AIG1: variants seen among roughly 807,000 people sequenced by gnomAD.
AIG1 encodes androgen-induced gene 1 protein.
AIG1 carries 23 observed loss-of-function variants against 31.4 expected under a neutral mutation model. The ratio of observed to expected loss-of-function variants is 0.73; its 90% CI spans 0.53 to 1.04. The LOEUF (loss-of-function observed/expected upper bound fraction) is 1.04. Among genes scored for constraint, AIG1 ranks in the 50% least tolerant of loss-of-function variants. The probability of loss-of-function intolerance (pLI) is 0.00; values close to 1 mark genes in which losing one functional copy is unlikely to be tolerated. For missense variants in AIG1, 274 were observed against 295.0 expected (o/e 0.93, Z 0.52); for synonymous variants, 100 against 110.5 (o/e 0.90, Z 0.60).
chr6:143,149,532 C>CAAAAA (rs71767812), intron 2 of AIG1, among the ~76,000 whole-genome samples: 47 of 39,888 alleles, frequency 1.2e-3, no homozygotes, highest in Middle Eastern at 0.011. Context: ...GACTCTGTCT[C>CAAAAA]AAAAAAAAAA....
chr6:143,097,125 C>A (rs1198541056), intron 1 of AIG1, among the ~76,000 whole-genome samples: 2 of 151,568 alleles, frequency 1.3e-5, no homozygotes, highest in African/African-American at 4.8e-5. Context: ...CCTGTAACAG[C>A]AGACTTAAAT....
chr6:143,323,699 T>C lies in AIG1; in HGVS notation c.516-9583T>C, dbSNP rs117307095. On this transcript the variant is annotated intron_variant, in intron 4 of 5. Coordinates refer to ENST00000357847, the MANE Select transcript of AIG1 (RefSeq NM_016108.4). The stretch of plus-strand genomic sequence containing the variant: ...ACCTACAGGCTGTTCATCAGGAATC[T>C]TGGCAGACCCCCACACACACTGTGA... 2.0e-3 allele frequency among the ~76,000 whole-genome samples: 302 copies of C among 152,224 alleles called. 3 individuals are homozygous for C. In the East Asian group the frequency reaches 0.02, roughly 10 times the overall value.
intron 4 of AIG1, among the ~76,000 whole-genome samples, chr6:143,316,023 T>C (rs1484083472): frequency 6.6e-6 from 1 of 152,038 alleles, no homozygotes; most frequent in African/African-American, 2.4e-5. Context: ...TATATAGATA[T>C]TGTTAAGACA....
chr6:143,314,151 T>A (rs1258014389), intron 4 of AIG1, among the ~76,000 whole-genome samples: 2 of 120,940 alleles, frequency 1.7e-5, no homozygotes, highest in Non-Finnish European at 3.2e-5. Context: ...GAGTTCAAGA[T>A]CAGCCTGGGC....
chr6:143,179,093 G>C (rs976843702), intron 3 of AIG1, among the ~76,000 whole-genome samples: 2 of 152,042 alleles, frequency 1.3e-5, no homozygotes, highest in Non-Finnish European at 2.9e-5. Context: ...CAAACAAAAG[G>C]TGTGAGGGGA....
intron 2 of AIG1, among the ~76,000 whole-genome samples, chr6:143,140,121 G>A (rs1216206400): frequency 3.9e-5 from 6 of 152,204 alleles, no homozygotes; most frequent in African/African-American, 1.4e-4. Flanking sequence ...GGTGGCAAGA[G>A]AGTGTGTTCA....
At chr6:143,145,637 G>A (rs1347452842) in intron 2 of AIG1, among the ~76,000 whole-genome samples, 1 of 152,150 alleles carries the variant, frequency 6.6e-6, no homozygotes, top group Non-Finnish European at 1.5e-5. Context: ...GCAAGAAGAG[G>A]CAGAAGGAAA....
rs545954986 is a variant in AIG1, at chr6:143,261,195, G to A, written c.400-22915G>A. Reference sequence around the variant, plus strand: ...CACTCAGGCTGGAGTGCAGCGGCGCGATCTCAGCTCACTGCAATCTCCGCC... The same window carrying A: ...CACTCAGGCTGGAGTGCAGCGGCGCAATCTCAGCTCACTGCAATCTCCGCC... On this transcript the variant is annotated intron_variant, in intron 3 of 5. Transcript: ENST00000357847. Among the ~76,000 whole-genome samples the A allele has an allele frequency of 1.5e-3, 227 of 152,092 alleles. 1 individual carries two copies. Among genetic ancestry groups the A allele is most frequent in the Non-Finnish European group, 1.7e-3 (117 of 68,024 alleles).
intron 3 of AIG1, among the ~76,000 whole-genome samples, chr6:143,227,667 T>C (rs1327176791): frequency 6.6e-6 from 1 of 152,076 alleles, no homozygotes; most frequent in Non-Finnish European, 1.5e-5. Context: ...CTGACTGATA[T>C]TTTAGGGTTC....
chr6:143,172,866 G>C (rs559873657), intron 3 of AIG1, among the ~76,000 whole-genome samples: 1 of 152,094 alleles, frequency 6.6e-6, no homozygotes, highest in Non-Finnish European at 1.5e-5. Context: ...GGTGTTCACC[G>C]TAGCCTTGAA....
At chr6:143,232,939 G>C (rs1793550468) in intron 3 of AIG1, among the ~76,000 whole-genome samples, 1 of 152,188 alleles carries the variant, frequency 6.6e-6, no homozygotes, top group African/African-American at 2.4e-5. Flanking sequence ...CACTGGCCAT[G>C]CCTCCTGTTT....
chr6:143,191,811 G>A (rs1789815973), intron 3 of AIG1, among the ~76,000 whole-genome samples: 1 of 152,076 alleles, frequency 6.6e-6, no homozygotes, highest in Non-Finnish European at 1.5e-5. Context: ...AAACTTTCCT[G>A]GTATCTCATT....
At chr6:143,278,463 T>C (rs1349186177) in intron 3 of AIG1, among the ~76,000 whole-genome samples, 1 of 151,076 alleles carries the variant, frequency 6.6e-6, no homozygotes, top group Non-Finnish European at 1.5e-5. Flanking sequence ...TTTTTTCTTT[T>C]CTTTTTTTTT....
intron 4 of AIG1, among the ~76,000 whole-genome samples, chr6:143,300,167 G>T (rs1353382012): frequency 6.6e-6 from 1 of 152,174 alleles, no homozygotes; most frequent in Non-Finnish European, 1.5e-5. Flanking sequence ...AAGATGCTGA[G>T]AACTAGGACT....
intron 1 of AIG1, among the ~76,000 whole-genome samples, chr6:143,086,063 T>C (rs966323409): frequency 1.3e-5 from 2 of 152,242 alleles, no homozygotes; most frequent in African/African-American, 4.8e-5. Context: ...CACAATGAGG[T>C]TTCCTCTAAA....
At chr6:143,075,508 G>C (rs1777656118) in intron 1 of AIG1, among the ~76,000 whole-genome samples, 1 of 152,072 alleles carries the variant, frequency 6.6e-6, no homozygotes, top group Non-Finnish European at 1.5e-5. Flanking sequence ...GTTTTGCCAT[G>C]TTGCCCAGGT....
chr6:143,074,017 AC>A (rs1777523974), intron 1 of AIG1, among the ~76,000 whole-genome samples: 1 of 152,128 alleles, frequency 6.6e-6, no homozygotes, highest in African/African-American at 2.4e-5. Flanking sequence ...CTTTTCATAG[AC>A]CTGTTGGTGA....
chr6:143,251,033 A>C (rs1210751168), intron 3 of AIG1, among the ~76,000 whole-genome samples: 1 of 152,126 alleles, frequency 6.6e-6, no homozygotes, highest in East Asian at 1.9e-4. Context: ...TATCTTCCAG[A>C]ACTGTGACAG....
At chr6:143,252,800 T>C (rs527239860) in intron 3 of AIG1, among the ~76,000 whole-genome samples, 7 of 152,266 alleles carry the variant, frequency 4.6e-5, no homozygotes, top group Admixed American at 2.6e-4. Flanking sequence ...GTTTTAGAGG[T>C]TCTCAAAGTA....
Sources: gnomAD v4.1 joint callset for allele counts (sites outside exome capture counted in the v4.1 genomes callset) on GRCh38, gnomAD v4.1.1 for gene constraint, MANE v1.5 for transcripts, NCBI Gene and HGNC (gene_info 2026-07-23, HGNC 2026-07-21) for gene names.